The following CACNA1D variants were observed in gnomAD, a reference collection of about 807,000 sequenced individuals.
The protein encoded by CACNA1D is calcium voltage-gated channel subunit alpha1 D, also known as voltage-dependent L-type calcium channel subunit alpha-1D.
Under a neutral mutation model 257.1 loss-of-function variants are expected in CACNA1D, and 55 were observed. The observed-to-expected ratio is 0.21, with a 90% CI of 0.17 to 0.27. CACNA1D has a LOEUF of 0.27. Among genes scored for constraint, CACNA1D ranks in the 10% least tolerant of loss-of-function variants. CACNA1D has a pLI of 1.00. For missense variants in CACNA1D, 1,876 were observed against 2,784.0 expected, an observed-to-expected ratio of 0.67 and a Z score of 7.34; for synonymous variants, 980 against 1,014.9, an observed-to-expected ratio of 0.97 and a Z score of 0.65.
chr3:53,655,002 A>T (rs1481312657), intron 4 of CACNA1D, among the ~76,000 whole-genome samples: 2 of 152,114 alleles, frequency 1.3e-5, no homozygotes, highest in Non-Finnish European at 2.9e-5. Context: ...AGAAAGGATA[A>T]TGGCCTTTCT....
chr3:53,765,545 C>T (rs1412172444), intron 30 of CACNA1D: 1 of 152,618 alleles, frequency 6.6e-6, no homozygotes, highest in East Asian at 1.9e-4. Flanking sequence ...TTGGCCTCTC[C>T]ACCTTTGGTT....
rs755707012 is a variant in CACNA1D, at chr3:53,719,797, CT to C, written c.1505+17del. 7 of 1,611,392 alleles carry C rather than the reference CT, an allele frequency of 4.3e-6. No homozygotes were observed. Among genetic ancestry groups the C allele is most frequent in the Non-Finnish European group, 5.9e-6 (7 of 1,177,436 alleles). The stretch of plus-strand genomic sequence containing the variant: ...CCAAACTCAGGTCAGTATCTTCTTT[CT>C]GTTTCTTCGTCAGCCTGTGTGTTGC... On this transcript the variant is annotated intron_variant, in intron 11 of 47. Coordinates refer to ENST00000350061, the MANE Select transcript of CACNA1D (RefSeq NM_001128840.3).
intron 3 of CACNA1D, among the ~76,000 whole-genome samples, chr3:53,637,984 G>A (rs1003336337): frequency 6.6e-6 from 1 of 152,200 alleles, no homozygotes; most frequent in African/African-American, 2.4e-5. Context: ...ATATTTTAAA[G>A]CTTCTATTCA....
intron 3 of CACNA1D, among the ~76,000 whole-genome samples, chr3:53,511,037 C>T (rs17053116): frequency 0.029 from 4,443 of 152,198 alleles, 225 homozygotes; most frequent in African/African-American, 0.098. Flanking sequence ...TTGCTTGCTA[C>T]GGACTGGTTT....
rs550150313 is a variant in CACNA1D at position 53,558,992 on chromosome 3, G to GT, written c.483+57274dup. 9.5e-3 allele frequency among the ~76,000 whole-genome samples: 1,438 copies of GT among 152,132 alleles called. 7 individuals are homozygous for GT. Among genetic ancestry groups the GT allele is most frequent in the Non-Finnish European group, 0.015 (999 of 67,992 alleles). On this transcript the variant is annotated intron_variant, in intron 3 of 47. Transcript: ENST00000350061. ...TTTCTTCTCTTCTTCTGGAACTCTA[G>GT]TTCCAGTATTTTAGTATTTTCTTTT...
At chr3:53,721,993 C>A (rs747060400) in intron 11 of CACNA1D, among the ~76,000 whole-genome samples, 6 of 152,278 alleles carry the variant, frequency 3.9e-5, no homozygotes, top group Admixed American at 2.0e-4. Context: ...TGCATCTGCA[C>A]GTGAATCTAT....
chr3:53,785,187 G>A (rs997006526), intron 39 of CACNA1D, among the ~76,000 whole-genome samples: 1 of 152,188 alleles, frequency 6.6e-6, no homozygotes, highest in Non-Finnish European at 1.5e-5. Context: ...GGACCTGAGT[G>A]GTCTCTGCTC....
chr3:53,691,103 A>C (rs2094514931), intron 8 of CACNA1D, among the ~76,000 whole-genome samples: 1 of 151,958 alleles, frequency 6.6e-6, no homozygotes, highest in Admixed American at 6.5e-5. Context: ...TTTCGTTCAG[A>C]GAGAGTGATG....
intron 3 of CACNA1D, among the ~76,000 whole-genome samples, chr3:53,560,083 C>CTTTTG (rs1575869457): frequency 1.3e-5 from 1 of 78,768 alleles, no homozygotes. Flanking sequence ...TTTTTTTTTC[C>CTTTTG]TTTGTTGGCC....
intron 3 of CACNA1D, among the ~76,000 whole-genome samples, chr3:53,624,508 T>C (rs1341155447): frequency 6.6e-6 from 1 of 152,136 alleles, no homozygotes; most frequent in Non-Finnish European, 1.5e-5. Flanking sequence ...CCAGACAGTG[T>C]TTTGAGGGGC....
chr3:53,655,093 T>C (rs536681442), intron 4 of CACNA1D, among the ~76,000 whole-genome samples: 92 of 152,304 alleles, frequency 6.0e-4, no homozygotes, highest in South Asian at 1.2e-3. Flanking sequence ...CCTGCGTTAG[T>C]TTGCTAAGGA....
chr3:53,655,387 T>C (rs2094138556), intron 4 of CACNA1D, among the ~76,000 whole-genome samples: 2 of 152,168 alleles, frequency 1.3e-5, no homozygotes, highest in Non-Finnish European at 2.9e-5. Context: ...TTTGAGGAAT[T>C]GATACACTGC....
intron 3 of CACNA1D, among the ~76,000 whole-genome samples, chr3:53,605,022 G>T (rs1455312977): frequency 6.6e-6 from 1 of 152,180 alleles, no homozygotes; most frequent in Non-Finnish European, 1.5e-5. Context: ...ACTCAAGAAG[G>T]TGCACTTATG....
chr3:53,712,163 C>A (rs909331030), intron 9 of CACNA1D, among the ~76,000 whole-genome samples: 1 of 152,190 alleles, frequency 6.6e-6, no homozygotes, highest in Non-Finnish European at 1.5e-5. Flanking sequence ...CAGGCTTGGG[C>A]CTTGTGATTC....
chr3:53,502,239 A>G (rs1364258006), intron 3 of CACNA1D, among the ~76,000 whole-genome samples: 4 of 152,080 alleles, frequency 2.6e-5, no homozygotes, highest in South Asian at 2.1e-4. Context: ...TATTGAATAC[A>G]TGATATAATA....
intron 3 of CACNA1D, among the ~76,000 whole-genome samples, chr3:53,555,400 C>A (rs1426768476): frequency 6.7e-6 from 1 of 149,850 alleles, no homozygotes; most frequent in Non-Finnish European, 1.5e-5. Context: ...GACCTTCTGC[C>A]CTTTCCCCTA....
chr3:53,504,565 G>A (rs1340544887), intron 3 of CACNA1D, among the ~76,000 whole-genome samples: 2 of 152,134 alleles, frequency 1.3e-5, no homozygotes, highest in Admixed American at 6.5e-5. Context: ...GACTTGCAGG[G>A]CTAGTGGAGG....
intron 3 of CACNA1D, among the ~76,000 whole-genome samples, chr3:53,597,000 G>C (rs2093379091): frequency 1.3e-5 from 2 of 152,190 alleles, no homozygotes; most frequent in Non-Finnish European, 2.9e-5. Flanking sequence ...TTTCATGAGA[G>C]AGAAAATCGA....
intron 8 of CACNA1D, among the ~76,000 whole-genome samples, chr3:53,697,995 C>T (rs1012661424): frequency 6.6e-6 from 1 of 152,148 alleles, no homozygotes; most frequent in African/African-American, 2.4e-5. Flanking sequence ...ACCAGGTGTG[C>T]TTGTACCTGC....
Sources: allele counts gnomAD v4.1 joint callset (sites outside exome capture counted in the v4.1 genomes callset), GRCh38; gene constraint gnomAD v4.1.1; transcripts MANE v1.5; gene names NCBI Gene and HGNC (gene_info 2026-07-23, HGNC 2026-07-21).